Variants in CFAP52 observed in about 807,000 individuals in gnomAD.
CFAP52 encodes cilia and flagella associated protein 52, also known as cilia- and flagella-associated protein 52.
In CFAP52, 57 loss-of-function variants were observed where a neutral mutation model predicts 70.5. That is an observed-to-expected ratio of 0.81 (90% CI 0.65 to 1.01). The LOEUF is 1.01. Ranked by LOEUF, CFAP52 falls within the 50% of genes least tolerant of loss-of-function variation. The pLI is 0.00. For missense variants in CFAP52, 785 were observed against 788.5 expected, an observed-to-expected ratio of 1.00 and a Z score of 0.05; for synonymous variants, 267 against 292.5, an observed-to-expected ratio of 0.91 and a Z score of 0.89.
At position 9,576,763 on chromosome 17, in the gene CFAP52, A is replaced by G. The variant is rs1907966096; in HGVS notation, c.68A>G (p.Asn23Ser). The change falls in exon 1 of 14, where the codon AAT (asparagine) becomes AGT (serine). Residue 23 changes from asparagine (N) to serine (S), a missense_variant and splice_region_variant. Asn to Ser is a conservative substitution (Grantham distance 46, BLOSUM62 1). Coordinates refer to ENST00000352665, the MANE Select transcript of CFAP52 (RefSeq NM_145054.5). ...GAACTTGACGCCGTGATCGGCTTCA[A>G]TGGTGAGGCCTCCAGCATCTTTGGG... ...ELELDAVIGF[N>S]GHVPTGLKCH... 2 of 1,611,894 alleles carry G rather than the reference A, an allele frequency of 1.2e-6. No individual in the cohort carries two copies. The highest frequency in any genetic ancestry group is 1.3e-5 in the African/African-American group (1 of 74,998).
chr17:9,606,694 T>C (rs925869823), intron 6 of CFAP52, among the ~76,000 whole-genome samples: 12 of 152,314 alleles, frequency 7.9e-5, no homozygotes, highest in Admixed American at 5.2e-4. Context: ...ATCACACATA[T>C]GTAGCTTCGA....
intron 3 of CFAP52, among the ~76,000 whole-genome samples, chr17:9,591,646 G>C (rs1350106719): frequency 6.6e-6 from 1 of 152,162 alleles, no homozygotes; most frequent in Non-Finnish European, 1.5e-5. Flanking sequence ...GGGAGGCCAA[G>C]GCGGAAAGGA....
intron 12 of CFAP52, among the ~76,000 whole-genome samples, chr17:9,640,318 G>A (rs747463227): frequency 1.0e-4 from 15 of 148,604 alleles, no homozygotes; most frequent in Non-Finnish European, 1.8e-4. Flanking sequence ...GTGGTGGTTT[G>A]CTGTACGGAT....
intron 9 of CFAP52, among the ~76,000 whole-genome samples, chr17:9,630,480 A>G (rs1281984588): frequency 1.4e-5 from 2 of 139,620 alleles, no homozygotes; most frequent in Non-Finnish European, 3.0e-5. Flanking sequence ...CCCAGGCTGG[A>G]GTGCGGTGGC....
chr17:9,614,040 T>C (rs1379948811), intron 8 of CFAP52, among the ~76,000 whole-genome samples: 1 of 152,140 alleles, frequency 6.6e-6, no homozygotes, highest in Non-Finnish European at 1.5e-5. Context: ...TTGGCCCTGG[T>C]GCTTTTTTTA....
intron 6 of CFAP52, among the ~76,000 whole-genome samples, chr17:9,606,796 C>A (rs538792696): frequency 6.6e-6 from 1 of 152,172 alleles, no homozygotes; most frequent in Non-Finnish European, 1.5e-5. Context: ...ATAGGCTGAG[C>A]CTTCATCCTG....
chr17:9,581,098 C>T (rs994408741), intron 1 of CFAP52, among the ~76,000 whole-genome samples: 3 of 152,178 alleles, frequency 2.0e-5, no homozygotes, highest in East Asian at 1.9e-4. Context: ...GGGTGGATCA[C>T]GAGGTCAGGA....
At position 9,600,196 on chromosome 17, in the gene CFAP52, C is replaced by G; in HGVS notation, c.753+13C>G. 1 of 1,603,414 alleles carries G rather than the reference C, an allele frequency of 6.2e-7. No homozygotes were observed. ...CAAATTCAGTTTGGTGAGTAGAGAC[C>G]ATCGCCACTGCCCTGCCATTTTTCT... On this transcript the variant is annotated intron_variant, in intron 6 of 13. Coordinates refer to ENST00000352665, the MANE Select transcript of CFAP52 (RefSeq NM_145054.5).
At chr17:9,605,125 A>G (rs1327923740) in intron 6 of CFAP52, among the ~76,000 whole-genome samples, 1 of 152,234 alleles carries the variant, frequency 6.6e-6, no homozygotes, top group African/African-American at 2.4e-5. Flanking sequence ...ACTTATGTTC[A>G]CACGAGAACC....
chr17:9,627,810 C>A (rs1910296414), intron 8 of CFAP52, among the ~76,000 whole-genome samples: 2 of 151,664 alleles, frequency 1.3e-5, no homozygotes, highest in Admixed American at 6.6e-5. Context: ...AGTCTCCAAC[C>A]CCTAGGCTCA....
At chr17:9,584,984 A>G (rs559265859) in intron 1 of CFAP52, among the ~76,000 whole-genome samples, 9 of 152,308 alleles carry the variant, frequency 5.9e-5, no homozygotes, top group African/African-American at 2.2e-4. Context: ...AAAGACATGG[A>G]TTAACCTGGA....
At chr17:9,623,871 C>A (rs1910139826) in intron 8 of CFAP52, among the ~76,000 whole-genome samples, 1 of 151,586 alleles carries the variant, frequency 6.6e-6, no homozygotes, top group Non-Finnish European at 1.5e-5. Context: ...CATTTAACAT[C>A]TTTTTAAAAG....
chr17:9,633,155 A>T (rs1910629945), intron 10 of CFAP52, 122 bp downstream of exon 10: 3 of 1,168,984 alleles, frequency 2.6e-6, no homozygotes, highest in Admixed American at 2.9e-5. Context: ...CCAAATTGAC[A>T]TTTTGATGAG....
Position 9,598,266 on chromosome 17 carries a change from C to T in CFAP52, c.569C>T (p.Pro190Leu). 1 of 1,612,176 alleles carries T rather than the reference C, an allele frequency of 6.2e-7. No individual in the cohort carries two copies. Among genetic ancestry groups the T allele is most frequent in the South Asian group, 1.1e-5 (1 of 90,962 alleles). Residue 190 changes from proline (P) to leucine (L), a missense_variant, in exon 5 of 14, where the codon CCA becomes CTA. Coordinates refer to ENST00000352665, the MANE Select transcript of CFAP52 (RefSeq NM_145054.5). The stretch of plus-strand genomic sequence containing the variant: ...ATTCGAGTATGGGAATTGGATCTTC[C>T]AAATAGAAAAATCTGGCCAACTGAG... ...GTIRVWELDL[P>L]NRKIWPTECQ... is the part of the protein sequence containing the mutation.
chr17:9,642,413 C>A (rs893201922), intron 13 of CFAP52, among the ~76,000 whole-genome samples: 1 of 152,128 alleles, frequency 6.6e-6, no homozygotes, highest in East Asian at 1.9e-4. Flanking sequence ...CACCTGGGGT[C>A]AGGAGTTTGA....
chr17:9,636,397 T>A (rs903744537), intron 11 of CFAP52, among the ~76,000 whole-genome samples: 3 of 152,166 alleles, frequency 2.0e-5, no homozygotes, highest in Admixed American at 2.0e-4. Flanking sequence ...CCCGGGGACC[T>A]CTTATGCTCC....
intron 8 of CFAP52, among the ~76,000 whole-genome samples, chr17:9,627,978 C>T (rs1046333858): frequency 6.6e-6 from 1 of 152,160 alleles, no homozygotes; most frequent in African/African-American, 2.4e-5. Context: ...ATGGGATCCT[C>T]CTTTCTTGGC....
intron 6 of CFAP52, among the ~76,000 whole-genome samples, chr17:9,606,458 T>C (rs1363512729): frequency 6.6e-6 from 1 of 152,154 alleles, no homozygotes; most frequent in Non-Finnish European, 1.5e-5. Context: ...GTGTCAGACA[T>C]GGTGCAAAAC....
chr17:9,625,420 G>T (rs56024479), intron 8 of CFAP52, among the ~76,000 whole-genome samples: 1 of 151,216 alleles, frequency 6.6e-6, no homozygotes, highest in Non-Finnish European at 1.5e-5. Flanking sequence ...CTCTAGCATT[G>T]TTAGCTAGGG....
Sources: allele counts gnomAD v4.1 joint callset (sites outside exome capture counted in the v4.1 genomes callset), GRCh38; gene constraint gnomAD v4.1.1; transcripts MANE v1.5; gene names NCBI Gene and HGNC (gene_info 2026-07-23, HGNC 2026-07-21).